ARHGEF4: variants seen among roughly 807,000 people sequenced by gnomAD.
The protein encoded by ARHGEF4 is Rho guanine nucleotide exchange factor 4, also known as APC-stimulated guanine nucleotide exchange factor 1.
ARHGEF4 carries 119 observed loss-of-function variants against 162.0 expected under a neutral mutation model. The ratio of observed to expected loss-of-function variants is 0.73; its 90% CI spans 0.63 to 0.86. The LOEUF is 0.86. Among genes scored for constraint, ARHGEF4 ranks in the 40% least tolerant of loss-of-function variants. The probability of loss-of-function intolerance (pLI) is 0.00; values close to 1 mark genes in which losing one functional copy is unlikely to be tolerated. For missense variants in ARHGEF4, 2,488 were observed against 2,456.0 expected (o/e 1.01, Z -0.28); for synonymous variants, 1,014 against 979.9 (o/e 1.03, Z -0.65).
chr2:130,938,817 C>G (rs1373255197), intron 3 of ARHGEF4, among the ~76,000 whole-genome samples: 2 of 152,040 alleles, frequency 1.3e-5, no homozygotes, highest in Non-Finnish European at 2.9e-5. Context: ...CTTCAGTGAC[C>G]CCTAAGTCTC....
intron 1 of ARHGEF4, among the ~76,000 whole-genome samples, chr2:130,845,480 G>A (rs2104864858): frequency 6.6e-6 from 1 of 152,196 alleles, no homozygotes; most frequent in Non-Finnish European, 1.5e-5. Context: ...TGTATTTTTA[G>A]TAGAGATGGG....
Position 130,917,346 on chromosome 2 carries a change from GA to G in ARHGEF4, c.3403del (p.Arg1135AspfsTer18). ...SYVDSSSGDP[E>X]RPKIPKGQTS... is the part of the protein sequence containing the mutation. ...CGTGGACAGCAGTTCAGGGGACCCTGAAAGACCCAAGATTCCCAAGGGCCAG... is the reference window on the plus strand; with the variant it reads ...CGTGGACAGCAGTTCAGGGGACCCTGAAGACCCAAGATTCCCAAGGGCCAG... On this transcript the variant is annotated frameshift_variant, in exon 2 of 14. Transcript: ENST00000409359. LOFTEE classifies it high-confidence loss of function. 1 of 1,550,576 alleles carries G rather than the reference GA, an allele frequency of 6.4e-7. No homozygotes were observed. The highest frequency in any genetic ancestry group is 8.7e-7 in the Non-Finnish European group (1 of 1,147,002).
At chr2:131,043,651 A>G (rs1213159379) in intron 11 of ARHGEF4, 68 bp downstream of exon 11, 2 of 1,606,790 alleles carry the variant, frequency 1.2e-6, no homozygotes, top group Non-Finnish European at 8.5e-7. Context: ...GAGGGCTGGG[A>G]GCAGCTGCCC....
intron 12 of ARHGEF4, 144 bp from the exon 13 acceptor site, chr2:131,045,225 G>C: frequency 1.3e-6 from 1 of 773,718 alleles, no homozygotes; most frequent in Non-Finnish European, 2.1e-6. Flanking sequence ...TGACTGTGCA[G>C]AATGGGCAAC....
intron 4 of ARHGEF4, among the ~76,000 whole-genome samples, chr2:130,950,434 A>G (rs1472271141): frequency 6.6e-6 from 1 of 152,130 alleles, no homozygotes; most frequent in East Asian, 1.9e-4. Context: ...TACCAGGACT[A>G]CCTGGTAGTA....
At position 130,836,928 on chromosome 2, in the gene ARHGEF4, G is replaced by C; in HGVS notation, c.-26G>C. ...CGGCGCGGCTCGTAGTGCTGCGGCC[G>C]GGCTCCGGGCGTCCCGGCGGCCACC... On this transcript the variant is annotated 5_prime_UTR_variant, in exon 1 of 14. Transcript: ENST00000409359. 1.6e-6 allele frequency: 2 copies of C among 1,222,676 alleles called. No homozygotes were observed. The highest frequency in any genetic ancestry group is 2.0e-6 in the Non-Finnish European group (2 of 982,264). 75.7% of individuals were successfully genotyped at this position (1,222,676 alleles called of 1,614,324 possible).
At chr2:130,979,691 G>C (rs1685982693) in intron 4 of ARHGEF4, among the ~76,000 whole-genome samples, 1 of 145,564 alleles carries the variant, frequency 6.9e-6, no homozygotes, top group African/African-American at 2.6e-5. Flanking sequence ...AGCCAAGATT[G>C]TGCCGCTGCA....
chr2:130,919,596 C>G (rs1343667719), intron 2 of ARHGEF4, among the ~76,000 whole-genome samples: 1 of 152,194 alleles, frequency 6.6e-6, no homozygotes, highest in Non-Finnish European at 1.5e-5. Flanking sequence ...GTGATATAGG[C>G]CATGCGTGGT....
At chr2:130,951,004 A>C (rs990793308) in intron 4 of ARHGEF4, among the ~76,000 whole-genome samples, 1 of 152,174 alleles carries the variant, frequency 6.6e-6, no homozygotes, top group African/African-American at 2.4e-5. Flanking sequence ...AATCTCAGGA[A>C]CCAACCTCTG....
chr2:130,916,111 C>T lies in ARHGEF4; in HGVS notation c.2165C>T (p.Ala722Val). ...ELGRVLVPQA[A>V]SEETPSTEEP... ...GGGAGAGTGCTGGTCCCCCAAGCTG[C>T]TTCGGAAGAGACGCCGAGCACAGAG... Residue 722 changes from alanine (A) to valine (V), a missense_variant, in exon 2 of 14, where the codon GCT becomes GTT. Coordinates refer to ENST00000409359, the MANE Select transcript of ARHGEF4 (RefSeq NM_001367493.1). 1 of 1,550,002 alleles carries T rather than the reference C, an allele frequency of 6.5e-7. No individual in the cohort carries two copies. The highest frequency in any genetic ancestry group is 8.7e-7 in the Non-Finnish European group (1 of 1,146,918).
chr2:131,032,876 G>A (rs1356750622), intron 5 of ARHGEF4, among the ~76,000 whole-genome samples: 5 of 126,684 alleles, frequency 3.9e-5, no homozygotes, highest in East Asian at 2.2e-4. Flanking sequence ...TTTTTGAGAC[G>A]GGGTCTCACT....
chr2:130,882,674 C>T (rs1175394933), intron 1 of ARHGEF4, among the ~76,000 whole-genome samples: 1 of 152,022 alleles, frequency 6.6e-6, no homozygotes, highest in African/African-American at 2.4e-5. Context: ...AGGTTACTGA[C>T]TAAAGCAAAG....
intron 1 of ARHGEF4, among the ~76,000 whole-genome samples, chr2:130,868,339 G>C (rs975968006): frequency 2.0e-5 from 3 of 151,928 alleles, no homozygotes; most frequent in Non-Finnish European, 4.4e-5. Context: ...AAGTAACCTG[G>C]AAGCAGCAGA....
intron 1 of ARHGEF4, among the ~76,000 whole-genome samples, chr2:130,895,550 C>G (rs1425784477): frequency 2.0e-5 from 3 of 152,162 alleles, no homozygotes; most frequent in Non-Finnish European, 4.4e-5. Flanking sequence ...TGGGTTTTGG[C>G]AATTCTCATT....
At chr2:130,892,966 G>A (rs1281285255) in intron 1 of ARHGEF4, among the ~76,000 whole-genome samples, 1 of 152,188 alleles carries the variant, frequency 6.6e-6, no homozygotes, top group Non-Finnish European at 1.5e-5. Context: ...AAAGGCGTTG[G>A]TTTACTTTCC....
chr2:130,926,040 CTT>C (rs1491553635), intron 2 of ARHGEF4, among the ~76,000 whole-genome samples: 64 of 109,956 alleles, frequency 5.8e-4, no homozygotes, highest in African/African-American at 3.2e-3. Flanking sequence ...TTCTTTCTTT[CTT>C]TCTTTCTCTT....
At chr2:130,969,159 A>G (rs1243776615) in intron 4 of ARHGEF4, among the ~76,000 whole-genome samples, 4 of 152,210 alleles carry the variant, frequency 2.6e-5, no homozygotes, top group African/African-American at 9.6e-5. Flanking sequence ...TGGGAAAATC[A>G]TCTGACATAA....
At chr2:130,865,461 C>G (rs922301304) in intron 1 of ARHGEF4, among the ~76,000 whole-genome samples, 1 of 152,188 alleles carries the variant, frequency 6.6e-6, no homozygotes, top group African/African-American at 2.4e-5. Flanking sequence ...TCGGAAATAT[C>G]CTCTCAGGTC....
chr2:130,990,028 A>G (rs1182566679), intron 4 of ARHGEF4, among the ~76,000 whole-genome samples: 2 of 152,250 alleles, frequency 1.3e-5, no homozygotes, highest in African/African-American at 4.8e-5. Context: ...ACCATTCCAA[A>G]TATCAAGAAC....
Sources: gnomAD v4.1 joint callset for allele counts (sites outside exome capture counted in the v4.1 genomes callset) on GRCh38, gnomAD v4.1.1 for gene constraint, MANE v1.5 for transcripts, NCBI Gene and HGNC (gene_info 2026-07-23, HGNC 2026-07-21) for gene names.